The following BCAR1 variants were observed in gnomAD, a reference collection of about 807,000 sequenced individuals.
The protein encoded by BCAR1 is BCAR1 scaffold protein, Cas family member, also known as breast cancer anti-estrogen resistance protein 1.
Under a neutral mutation model 67.6 loss-of-function variants are expected in BCAR1, and 30 were observed. That is an observed-to-expected ratio of 0.44 (90% CI 0.33 to 0.60). The LOEUF (loss-of-function observed/expected upper bound fraction) is 0.60. Ranked by LOEUF, BCAR1 falls within the 20% of genes least tolerant of loss-of-function variation. The pLI, the probability that BCAR1 is intolerant of heterozygous loss-of-function variation, is 0.02. For missense variants in BCAR1, 1,313 were observed against 1,222.3 expected, an observed-to-expected ratio of 1.07 and a Z score of -1.11; for synonymous variants, 626 against 556.7, an observed-to-expected ratio of 1.12 and a Z score of -1.75.
At chr16:75,261,472 C>T (rs974102685) in intron 1 of BCAR1, among the ~76,000 whole-genome samples, 2 of 152,256 alleles carry the variant, frequency 1.3e-5, no homozygotes, top group East Asian at 1.9e-4. Context: ...CTGCCTGCCC[C>T]GTGCTGGCCC....
rs200491477 is a variant in BCAR1 at position 75,235,589 on chromosome 16, C to T, written c.1310G>A (p.Ser437Asn). The change falls in exon 5 of 7, where the codon AGC becomes AAC. Residue 437 changes from serine (S) to asparagine (N), a missense_variant. Coordinates refer to ENST00000162330, the MANE Select transcript of BCAR1 (RefSeq NM_014567.5). ...CTCCAAGGAGGACGCAGACTGGCTG[C>T]TGCGTGTGCTGCCGGTGCTGGAGGC... Reference protein sequence around the residue: ...LSASSTGSTRSSQSASSLEVA... With the variant: ...LSASSTGSTRNSQSASSLEVA... 4.4e-6 allele frequency: 7 copies of T among 1,590,348 alleles called. No individual in the cohort carries two copies. Among genetic ancestry groups the T allele is most frequent in the South Asian group, 3.4e-5 (3 of 88,604 alleles).
At chr16:75,247,951 A>C in intron 1 of BCAR1, 1 of 814,236 alleles carries the variant, frequency 1.2e-6, no homozygotes, top group Non-Finnish European at 2.1e-6. Flanking sequence ...CTAAGTTCAC[A>C]ATAATAAGAA....
chr16:75,249,210 G>C (rs945900408), intron 1 of BCAR1: 3 of 152,372 alleles, frequency 2.0e-5, no homozygotes, highest in Non-Finnish European at 4.4e-5. Flanking sequence ...TTTTGGCAGA[G>C]AGCTCGGTGT....
At chr16:75,239,122 C>T in intron 2 of BCAR1, 2 of 984,500 alleles carry the variant, frequency 2.0e-6, no homozygotes, top group Non-Finnish European at 2.4e-6. Flanking sequence ...GTTAGAAAAA[C>T]AGAGCAACGC....
chr16:75,236,621 C>A (rs1477465147), intron 4 of BCAR1: 13 of 550,964 alleles, frequency 2.4e-5, no homozygotes, highest in Non-Finnish European at 3.8e-5. Flanking sequence ...TGAGATGACA[C>A]ATCCCGTGGT....
chr16:75,254,099 C>G (rs188665695), upstream of BCAR1, among the ~76,000 whole-genome samples: 1 of 152,238 alleles, frequency 6.6e-6, no homozygotes, highest in East Asian at 1.9e-4. Context: ...CTGCACCCAG[C>G]CTAGCCCCAT....
chr16:75,256,579 G>A (rs893197574), upstream of BCAR1, among the ~76,000 whole-genome samples: 2 of 152,016 alleles, frequency 1.3e-5, no homozygotes, highest in African/African-American at 4.8e-5. Flanking sequence ...CCAGCCCTAC[G>A]CCTCCACTTC....
At chr16:75,244,078 A>T (rs1385399030) in intron 1 of BCAR1, among the ~76,000 whole-genome samples, 1 of 152,206 alleles carries the variant, frequency 6.6e-6, no homozygotes, top group Non-Finnish European at 1.5e-5. Flanking sequence ...CTTCACACAC[A>T]GGGAAGCCGG....
intron 4 of BCAR1, 63 bp from the exon 5 acceptor site, chr16:75,236,049 G>A (rs991373843): frequency 1.3e-5 from 20 of 1,502,038 alleles, no homozygotes; most frequent in Non-Finnish European, 1.5e-5. Flanking sequence ...GGGACTGGGG[G>A]CAGCACCCAG....
intron 5 of BCAR1, among the ~76,000 whole-genome samples, chr16:75,234,554 G>A (rs1225030236): frequency 1.3e-5 from 2 of 152,226 alleles, no homozygotes; most frequent in Admixed American, 6.5e-5. Flanking sequence ...CAGCCTGGGA[G>A]GAGCAGTCCC....
chr16:75,233,802 G>A (rs1382544379), intron 6 of BCAR1, 44 bp downstream of exon 6: 1 of 1,544,926 alleles, frequency 6.5e-7, no homozygotes, highest in Non-Finnish European at 8.8e-7. Flanking sequence ...GGGCTCAGGG[G>A]GTCAGCGGGC....
In BCAR1 at chr16:75,267,944, TG is replaced by T. The variant is rs2078030953; in HGVS notation, c.36del (p.Arg13GlyfsTer36). The T allele has an allele frequency of 6.2e-7, 1 of 1,603,674 alleles. No individual in the cohort carries two copies. The highest frequency in any genetic ancestry group is 8.5e-7 in the Non-Finnish European group (1 of 1,176,628). On this transcript the variant is annotated frameshift_variant, in exon 1 of 7. Transcript: ENST00000393422. LOFTEE classifies it high-confidence loss of function. Reference sequence around the variant, plus strand: ...AGGCAGGGATCCTTGGGTGTGGGCCTGGGGGCAGCCAGAGGAGCCTCACCAG... The same window carrying T: ...AGGCAGGGATCCTTGGGTGTGGGCCTGGGGCAGCCAGAGGAGCCTCACCAG...
chr16:75,235,956 C>A lies in BCAR1; in HGVS notation c.943G>T (p.Asp315Tyr). The A allele has an allele frequency of 6.3e-7, 1 of 1,575,518 alleles. No homozygotes were observed. Among genetic ancestry groups the A allele is most frequent in the Non-Finnish European group, 8.6e-7 (1 of 1,159,924 alleles). ...VYDVPPSVSK[D>Y]VPDGPLLREE... The stretch of plus-strand genomic sequence containing the variant: ...CGCAGCAGTGGGCCATCGGGCACAT[C>A]CTTGCTCACCGATGGAGGAACGTCG... Residue 315 changes from aspartate (D) to tyrosine (Y), a missense_variant, in exon 5 of 7, where the codon GAT (aspartate) becomes TAT (tyrosine). By Grantham distance (160) the Asp-to-Tyr change is radical. This residue lies in a region of BCAR1 where 1,272 missense variants were observed against 1,137.5 expected (regional missense o/e 1.12). Transcript: ENST00000162330.
At chr16:75,257,235 G>A (rs977094656) in intron 1 of BCAR1, among the ~76,000 whole-genome samples, 1 of 152,134 alleles carries the variant, frequency 6.6e-6, no homozygotes, top group Non-Finnish European at 1.5e-5. Flanking sequence ...CCAGTGTACT[G>A]GGCGGAGGGG....
At chr16:75,237,976 C>T (rs542637131) in intron 2 of BCAR1, 27 of 1,228,720 alleles carry the variant, frequency 2.2e-5, no homozygotes, top group Admixed American at 1.9e-4. Flanking sequence ...CTCCCTGCCG[C>T]GCCTGCCCCG....
chr16:75,252,799 A>G (rs2077706989), upstream of BCAR1, among the ~76,000 whole-genome samples: 1 of 152,180 alleles, frequency 6.6e-6, no homozygotes, highest in South Asian at 2.1e-4. Context: ...CAGCCTACGC[A>G]GCGCCTGGCC....
In BCAR1 at chr16:75,235,702, C is replaced by T; in HGVS notation, c.1197G>A (p.Val399=). The T allele has an allele frequency of 2.5e-6, 4 of 1,611,252 alleles. No individual in the cohort carries two copies. Among genetic ancestry groups the T allele is most frequent in the Non-Finnish European group, 3.4e-6 (4 of 1,178,774 alleles). Reference sequence around the variant, plus strand: ...CACTGTCGACCACGCCACCATCAGCCACCTCAGGAGGAAGCACCCGTTCAC... The same window carrying T: ...CACTGTCGACCACGCCACCATCAGCTACCTCAGGAGGAAGCACCCGTTCAC... ...VPRERVLPPE[V]ADGGVVDSGV... is the part of the protein sequence containing the mutation. Residue 399 remains valine (V), a synonymous_variant, in exon 5 of 7, where the codon GTG becomes GTA. Transcript: ENST00000162330.
At chr16:75,257,608 C>T (rs916976445) in intron 1 of BCAR1, among the ~76,000 whole-genome samples, 3 of 152,220 alleles carry the variant, frequency 2.0e-5, no homozygotes, top group African/African-American at 7.2e-5. Flanking sequence ...GTGTGCACCG[C>T]CATGCCTGGC....
intron 2 of BCAR1, chr16:75,237,940 G>A: frequency 1.1e-6 from 1 of 933,932 alleles, no homozygotes; most frequent in Non-Finnish European, 1.5e-6. Context: ...TGTGCTGGGG[G>A]GCGCAGCAGC....
Sources: gnomAD v4.1 joint callset for allele counts (sites outside exome capture counted in the v4.1 genomes callset) on GRCh38, gnomAD v4.1.1 for gene constraint, gnomAD v4.1.1 regional missense constraint, MANE v1.5 for transcripts, NCBI Gene and HGNC (gene_info 2026-07-23, HGNC 2026-07-21) for gene names.